The following MGST2 variants were observed in gnomAD, a reference collection of about 807,000 sequenced individuals.
MGST2 encodes the protein microsomal glutathione S-transferase 2.
A neutral mutation model predicts 16.6 loss-of-function variants in MGST2; 9 were observed. That is an observed-to-expected ratio of 0.54 (90% CI 0.33 to 0.95). MGST2 has a LOEUF of 0.95. Ranked by LOEUF, MGST2 falls within the 40% of genes least tolerant of loss-of-function variation. The pLI is 0.03. For missense variants in MGST2, 159 were observed against 175.1 expected (o/e 0.91, Z 0.52); for synonymous variants, 79 against 68.0 (o/e 1.16, Z -0.79).
intron 5 of MGST2, among the ~76,000 whole-genome samples, chr4:139,729,156 C>CAA (rs4057275): frequency 5.0e-4 from 41 of 81,668 alleles, no homozygotes; most frequent in African/African-American, 1.2e-3. Context: ...GGAACAAAAG[C>CAA]AAAAAAAAAA....
intron 5 of MGST2, among the ~76,000 whole-genome samples, chr4:139,710,386 C>T (rs1197881814): frequency 6.6e-6 from 1 of 152,206 alleles, no homozygotes; most frequent in Non-Finnish European, 1.5e-5. Context: ...AGTAAGATTA[C>T]ATGTAAGAAC....
At chr4:139,753,873 G>A in the MGST2 span, among the ~76,000 whole-genome samples, 1 of 152,174 alleles carries the variant, frequency 6.6e-6, no homozygotes, top group Non-Finnish European at 1.5e-5. Flanking sequence ...CATCAGAAGG[G>A]AGACAAATGG....
intron 5 of MGST2, among the ~76,000 whole-genome samples, chr4:139,716,593 A>G (rs1423050246): frequency 6.6e-6 from 1 of 152,170 alleles, no homozygotes; most frequent in Non-Finnish European, 1.5e-5. Flanking sequence ...GTTGAATGCA[A>G]AGGCTGGGAA....
At chr4:139,714,260 C>T (rs1727853114) in intron 5 of MGST2, among the ~76,000 whole-genome samples, 1 of 152,156 alleles carries the variant, frequency 6.6e-6, no homozygotes, top group Admixed American at 6.5e-5. Context: ...CAAAATACAC[C>T]AGCTTAAGAC....
At chr4:139,731,204 A>G (rs1728692950) in intron 5 of MGST2, 1 of 159,652 alleles carries the variant, frequency 6.3e-6, no homozygotes, top group Non-Finnish European at 1.4e-5. Context: ...GCTTAGATAT[A>G]TGTCAGAAAG....
At chr4:139,721,580 T>C (rs1489407069) in intron 5 of MGST2, among the ~76,000 whole-genome samples, 1 of 152,188 alleles carries the variant, frequency 6.6e-6, no homozygotes, top group Non-Finnish European at 1.5e-5. Flanking sequence ...GATGTGGCTA[T>C]TGATTTCTGG....
intron 3 of MGST2, among the ~76,000 whole-genome samples, chr4:139,703,175 C>G (rs960624240): frequency 6.6e-5 from 10 of 151,916 alleles, no homozygotes; most frequent in African/African-American, 9.7e-5. Flanking sequence ...ATTCACCCCC[C>G]CTCGGCCTCT....
chr4:139,695,222 A>G lies in MGST2; in HGVS notation c.184A>G (p.Ile62Val). Residue 62 changes from isoleucine (I) to valine (V), a missense_variant, in exon 3 of 5, where the codon ATA (isoleucine) becomes GTA (valine). Physicochemically the swap from Ile to Val is conservative, Grantham distance 29. Coordinates refer to ENST00000265498, the MANE Select transcript of MGST2 (RefSeq NM_002413.5). ...ACAAAACTGTGTGGAGTTTTATCCT[A>G]TATTCATAATTACATTGTGGATGGC... ...AQQNCVEFYP[I>V]FIITLWMAGW... 2.5e-6 allele frequency: 4 copies of G among 1,613,206 alleles called. No homozygotes were observed. Among genetic ancestry groups the G allele is most frequent in the Non-Finnish European group, 3.4e-6 (4 of 1,179,152 alleles).
intron 2 of MGST2, among the ~76,000 whole-genome samples, chr4:139,691,025 C>T (rs1288536263): frequency 6.6e-6 from 1 of 152,198 alleles, no homozygotes; most frequent in African/African-American, 2.4e-5. Flanking sequence ...CCATGTCCCC[C>T]TAAATTCCTC....
intron 5 of MGST2, among the ~76,000 whole-genome samples, chr4:139,724,228 T>C (rs1189757971): frequency 6.6e-6 from 1 of 152,218 alleles, no homozygotes; most frequent in Admixed American, 6.5e-5. Context: ...CCAGTATTTT[T>C]ACAGGTGATC....
At chr4:139,722,079 G>T (rs1445043197) in intron 5 of MGST2, among the ~76,000 whole-genome samples, 1 of 152,116 alleles carries the variant, frequency 6.6e-6, no homozygotes, top group Non-Finnish European at 1.5e-5. Context: ...TGGCCATTTT[G>T]GGGTATATTT....
At chr4:139,747,467 G>A in the MGST2 span, among the ~76,000 whole-genome samples, 2 of 152,202 alleles carry the variant, frequency 1.3e-5, no homozygotes, top group Non-Finnish European at 2.9e-5. Flanking sequence ...GCCGAGGCAG[G>A]TGGATCACCT....
At chr4:139,702,845 T>C (rs1272118018) in intron 3 of MGST2, among the ~76,000 whole-genome samples, 1 of 63,418 alleles carries the variant, frequency 1.6e-5, no homozygotes, top group Admixed American at 1.6e-4. Flanking sequence ...GTGTTACTGG[T>C]TTTTTTTTTT....
chr4:139,671,473 C>T (rs916892446), intron 1 of MGST2, among the ~76,000 whole-genome samples: 7 of 151,874 alleles, frequency 4.6e-5, no homozygotes, highest in African/African-American at 1.7e-4. Flanking sequence ...ATCATATATA[C>T]GTATATATAT....
chr4:139,748,673 T>C, the MGST2 span, among the ~76,000 whole-genome samples: 1 of 152,180 alleles, frequency 6.6e-6, no homozygotes, highest in African/African-American at 2.4e-5. Flanking sequence ...TATATGTTTC[T>C]GGGGTAAGGA....
intron 1 of MGST2, among the ~76,000 whole-genome samples, chr4:139,675,043 C>G (rs1479354114): frequency 6.6e-6 from 1 of 152,170 alleles, no homozygotes. Context: ...TCAGCATTTT[C>G]CATCTGGTGG....
At chr4:139,697,284 C>G (rs947735194) in intron 3 of MGST2, among the ~76,000 whole-genome samples, 1 of 152,178 alleles carries the variant, frequency 6.6e-6, no homozygotes, top group Non-Finnish European at 1.5e-5. Context: ...CTCTTCTTTA[C>G]TAATAAATGT....
At chr4:139,716,534 C>T (rs2110940877) in intron 5 of MGST2, among the ~76,000 whole-genome samples, 1 of 151,260 alleles carries the variant, frequency 6.6e-6, no homozygotes, top group Middle Eastern at 3.4e-3. Context: ...CCCTTTGCCA[C>T]ATCCTTCAGA....
chr4:139,706,522 A>G (rs1286368619), downstream of MGST2, among the ~76,000 whole-genome samples: 2 of 152,238 alleles, frequency 1.3e-5, no homozygotes, highest in African/African-American at 2.4e-5. Context: ...ACTGAGACCA[A>G]TGAAGGATGA....
Sources: gnomAD v4.1 joint callset for allele counts (sites outside exome capture counted in the v4.1 genomes callset) on GRCh38, gnomAD v4.1.1 for gene constraint, MANE v1.5 for transcripts, NCBI Gene and HGNC (gene_info 2026-07-23, HGNC 2026-07-21) for gene names.